Variants in CPNE4 observed in about 807,000 individuals in gnomAD.
CPNE4 encodes copine-4.
CPNE4 carries 25 observed loss-of-function variants against 67.9 expected under a neutral mutation model. That is an observed-to-expected ratio of 0.37 (90% CI 0.27 to 0.51). The LOEUF (loss-of-function observed/expected upper bound fraction) is 0.51. CPNE4 is among the 20% of genes least tolerant of loss of function. CPNE4 has a pLI of 0.93. For synonymous variants in CPNE4, 242 were observed against 244.9 expected (o/e 0.99, Z 0.11); for missense variants, 464 against 690.8 (o/e 0.67, Z 3.68).
intron 10 of CPNE4, among the ~76,000 whole-genome samples, chr3:131,565,379 G>T (rs1937002108): frequency 6.6e-6 from 1 of 151,916 alleles, no homozygotes; most frequent in Admixed American, 6.6e-5. Context: ...TATGATCTTG[G>T]GAATCATAAT....
intron 2 of CPNE4, among the ~76,000 whole-genome samples, chr3:131,841,698 C>G (rs1164845936): frequency 1.3e-5 from 2 of 152,198 alleles, no homozygotes; most frequent in Non-Finnish European, 2.9e-5. Context: ...AGGTTGGAGA[C>G]AGCTGACCTA....
chr3:132,029,395 G>T (rs768811249), intron 1 of CPNE4, among the ~76,000 whole-genome samples: 5 of 152,296 alleles, frequency 3.3e-5, no homozygotes, highest in Non-Finnish European at 5.9e-5. Flanking sequence ...ATATCTTGGG[G>T]TTGGGTCAAA....
rs374484536 is a variant in CPNE4 at position 131,957,682 on chromosome 3, G to C, written c.-1-52238C>G. Among the ~76,000 whole-genome samples, 21 of 152,268 alleles carry C rather than the reference G, an allele frequency of 1.4e-4. No individual in the cohort carries two copies. In the South Asian group the frequency reaches 2.1e-3, roughly 15 times the overall value. ...CTCACCAAGTATTCGTTCAGATCCT[G>C]CTAACTGTGGGAGGCATTTTTGCTC... is the stretch of plus-strand genomic sequence containing the variant. On this transcript the variant is annotated intron_variant, in intron 1 of 15. Coordinates refer to ENST00000429747, the MANE Select transcript of CPNE4 (RefSeq NM_130808.3).
At chr3:131,863,864 T>A (rs1002814671) in intron 2 of CPNE4, among the ~76,000 whole-genome samples, 64 of 152,240 alleles carry the variant, frequency 4.2e-4, no homozygotes, top group African/African-American at 1.4e-3. Context: ...CTTTAATCCA[T>A]CTTGAATTAA....
At chr3:131,831,509 CT>C (rs1268512962) in intron 2 of CPNE4, among the ~76,000 whole-genome samples, 5 of 151,998 alleles carry the variant, frequency 3.3e-5, no homozygotes, top group African/African-American at 1.2e-4. Context: ...ATTATGAAAA[CT>C]AAAAAATTTA....
chr3:131,730,680 C>A (rs1417651249), intron 2 of CPNE4, among the ~76,000 whole-genome samples: 1 of 152,080 alleles, frequency 6.6e-6, no homozygotes, highest in African/African-American at 2.4e-5. Context: ...GCCATGTGAA[C>A]ACAAAGGAAG....
intron 1 of CPNE4, among the ~76,000 whole-genome samples, chr3:131,953,266 A>AAAAAAG (rs2071834459): frequency 6.8e-6 from 1 of 147,848 alleles, no homozygotes; most frequent in Non-Finnish European, 1.5e-5. Context: ...AAAAAAAAAA[A>AAAAAAG]GAATGGTGAA....
chr3:131,982,424 C>G (rs2072930880), intron 1 of CPNE4, among the ~76,000 whole-genome samples: 2 of 152,160 alleles, frequency 1.3e-5, no homozygotes, highest in Non-Finnish European at 2.9e-5. Context: ...CAAATGTACT[C>G]AGGTCCTTTA....
At chr3:131,685,030 C>CT (rs1473634239) in intron 6 of CPNE4, among the ~76,000 whole-genome samples, 1 of 152,146 alleles carries the variant, frequency 6.6e-6, no homozygotes, top group Non-Finnish European at 1.5e-5. Flanking sequence ...TGTACTTTCC[C>CT]TGGGGAAGCA....
intron 7 of CPNE4, among the ~76,000 whole-genome samples, chr3:131,617,126 A>G (rs75792044): frequency 0.018 from 2,757 of 152,236 alleles, 91 homozygotes; most frequent in African/African-American, 0.062. Context: ...CCTTTTCTCT[A>G]TTTGGTCTTA....
At chr3:131,937,634 A>G (rs897182988) in intron 1 of CPNE4, among the ~76,000 whole-genome samples, 2 of 152,148 alleles carry the variant, frequency 1.3e-5, no homozygotes, top group Non-Finnish European at 2.9e-5. Flanking sequence ...CTGGGACAGA[A>G]ACAACACTCT....
intron 2 of CPNE4, among the ~76,000 whole-genome samples, chr3:131,780,371 C>G (rs913418010): frequency 6.6e-6 from 1 of 152,064 alleles, no homozygotes; most frequent in African/African-American, 2.4e-5. Flanking sequence ...CATAAAGACA[C>G]ATGCATGCTT....
Position 131,581,624 on chromosome 3 carries a change from C to A in CPNE4, c.822G>T (p.Lys274Asn). Residue 274 changes from lysine to asparagine, a missense_variant, in exon 9 of 16, where the codon AAG becomes AAT. By Grantham distance (94) the Lys-to-Asn change is moderately conservative (BLOSUM62 0). Around this residue, in one of 6 missense-constraint regions of CPNE4, gnomAD observed 201 missense variants for 357.7 expected, o/e 0.56. Coordinates refer to ENST00000429747, the MANE Select transcript of CPNE4 (RefSeq NM_130808.3). ...ECINPKYKAK[K>N]KNYKNSGTVI... ...CAGTGCCTGAGTTCTTGTAATTCTT[C>A]TTCTTGGCTTTGTACTTGGGATTGA... 5 of 1,613,748 alleles carry A rather than the reference C, an allele frequency of 3.1e-6. No individual in the cohort carries two copies. The highest frequency in any genetic ancestry group is 4.2e-6 in the Non-Finnish European group (5 of 1,179,686).
chr3:131,643,458 C>T (rs1267907532), intron 7 of CPNE4, among the ~76,000 whole-genome samples: 1 of 152,172 alleles, frequency 6.6e-6, no homozygotes, highest in African/African-American at 2.4e-5. Flanking sequence ...TAGGAAGTAA[C>T]TAACTTGCTT....
At chr3:131,598,978 C>A (rs913864473) in intron 7 of CPNE4, among the ~76,000 whole-genome samples, 1 of 151,604 alleles carries the variant, frequency 6.6e-6, no homozygotes, top group Non-Finnish European at 1.5e-5. Context: ...AGGTAAAAAG[C>A]AAACTGTGTT....
chr3:131,997,166 C>T (rs933353423), intron 1 of CPNE4, among the ~76,000 whole-genome samples: 1 of 152,152 alleles, frequency 6.6e-6, no homozygotes, highest in African/African-American at 2.4e-5. Context: ...TTCTAAATTA[C>T]TTCCCAGGAT....
At chr3:131,614,788 C>T (rs1582894431) in intron 7 of CPNE4, among the ~76,000 whole-genome samples, 1 of 152,326 alleles carries the variant, frequency 6.6e-6, no homozygotes, top group East Asian at 1.9e-4. Context: ...ATTTGACCCT[C>T]ACTCAGAACT....
At chr3:131,896,555 T>C (rs183327923) in intron 2 of CPNE4, among the ~76,000 whole-genome samples, 2 of 152,210 alleles carry the variant, frequency 1.3e-5, no homozygotes, top group Admixed American at 1.3e-4. Flanking sequence ...ATTGCACAAG[T>C]ATCAAATAGC....
At chr3:131,972,214 T>A (rs1319547621) in intron 1 of CPNE4, among the ~76,000 whole-genome samples, 1 of 152,012 alleles carries the variant, frequency 6.6e-6, no homozygotes, top group Non-Finnish European at 1.5e-5. Context: ...CCAATGAAAA[T>A]ACTAAGGGTT....
Sources: gnomAD v4.1 joint callset for allele counts (sites outside exome capture counted in the v4.1 genomes callset) on GRCh38, gnomAD v4.1.1 for gene constraint, gnomAD v4.1.1 regional missense constraint, MANE v1.5 for transcripts, NCBI Gene and HGNC (gene_info 2026-07-23, HGNC 2026-07-21) for gene names.